The following ZNF320 variants were observed in gnomAD, a reference collection of about 807,000 sequenced individuals.
ZNF320 encodes zinc finger gene 320.
ZNF320 carries 2 observed loss-of-function variants against 6.8 expected under a neutral mutation model. That is an observed-to-expected ratio of 0.29 (90% CI 0.12 to 0.93). The LOEUF is 0.93. ZNF320 is among the 40% of genes least tolerant of loss of function. ZNF320 has a pLI of 0.55. For missense variants in ZNF320, 472 were observed against 611.0 expected (o/e 0.77, Z 2.40); for synonymous variants, 208 against 203.2 (o/e 1.02, Z -0.20).
At chr19:52,866,328 A>G (rs1368207811) in intron 5 of ZNF320, among the ~76,000 whole-genome samples, 1 of 151,338 alleles carries the variant, frequency 6.6e-6, no homozygotes, top group Non-Finnish European at 1.5e-5. Flanking sequence ...TGGGAGGCCG[A>G]GGTGGGCAGA....
At chr19:52,864,030 C>T (rs769531744) in exon 6 of ZNF320, 4 of 497,590 alleles carry the variant, frequency 8.0e-6, no homozygotes, top group Non-Finnish European at 1.6e-5. Flanking sequence ...ACATTTTCCT[C>T]ACCCACAGAC....
rs2063915953 is a variant in ZNF320 at position 52,881,428 on chromosome 19, G to A, written c.698C>T (p.Ala233Val). 1.2e-6 allele frequency: 2 copies of A among 1,613,914 alleles called. No homozygotes were observed. Among genetic ancestry groups the A allele is most frequent in the Non-Finnish European group, 1.7e-6 (2 of 1,179,972 alleles). ...TCCAGTATGACTTCTATGATGACAT[G>A]CAAGGGTTGCTTTTTGATCAAAAAC... ...GKVFDQKATL[A>V]CHHRSHTGEK... The change falls in exon 6 of 6, where the codon GCA becomes GTA. Residue 233 changes from alanine (A) to valine (V), a missense_variant. Ala to Val is a moderately conservative substitution (Grantham distance 64). Coordinates refer to ENST00000682928, the MANE Select transcript of ZNF320 (RefSeq NM_001351774.2).
Position 52,882,947 on chromosome 19 carries a change from A to G in ZNF320, c.143-964T>C, listed in dbSNP as rs2063967651. ...CAGAGTGAGACTCCGTCTCAAAAAA[A>G]AAAGAAAATGTTAATAGCATATTTT... is the stretch of plus-strand genomic sequence containing the variant. On this transcript the variant is annotated intron_variant, in intron 5 of 5. Transcript: ENST00000682928. Among the ~76,000 whole-genome samples, 3 of 152,186 alleles carry G rather than the reference A, an allele frequency of 2.0e-5. No individual in the cohort carries two copies. The South Asian group carries it at 6.2e-4, about 31-fold the overall frequency.
chr19:52,901,699 A>G (rs957757612), upstream of ZNF320, among the ~76,000 whole-genome samples: 13 of 152,174 alleles, frequency 8.5e-5, no homozygotes, highest in Admixed American at 7.9e-4. Context: ...TCTAGCGTTT[A>G]TTAGCTAATG....
At chr19:52,891,132 G>C (rs2147874171) in intron 3 of ZNF320, 97 bp downstream of exon 3, 1 of 152,202 alleles carries the variant, frequency 6.6e-6, no homozygotes, top group South Asian at 2.1e-4. Flanking sequence ...CTGGGTGACA[G>C]AGTAAGACTT....
chr19:52,874,146 G>A (rs1600589292), downstream of ZNF320: 3 of 226,904 alleles, frequency 1.3e-5, no homozygotes, highest in East Asian at 1.4e-4. Context: ...ACACACACAC[G>A]GGAGATCTCA....
downstream of ZNF320, chr19:52,873,950 A>G (rs550075832): frequency 3.7e-3 from 1,523 of 416,410 alleles, 8 homozygotes; most frequent in Non-Finnish European, 3.9e-3. Flanking sequence ...GCATTTCAGA[A>G]AGGAAAGAGA....
chr19:52,862,392 T>C, exon 6 of ZNF320: 1 of 477,972 alleles, frequency 2.1e-6, no homozygotes. Context: ...TCTTTCAAGC[T>C]GTGATTTACG....
chr19:52,864,085 G>A (rs4803014), exon 6 of ZNF320: 86,489 of 454,000 alleles, frequency 0.19, 9,792 homozygotes, highest in Middle Eastern at 0.29. Flanking sequence ...TGTATAAAGC[G>A]TTCTGTGCAG....
intron 5 of ZNF320, among the ~76,000 whole-genome samples, chr19:52,885,811 CAGG>C (rs2147841734): frequency 6.6e-6 from 1 of 152,206 alleles, no homozygotes; most frequent in African/African-American, 2.4e-5. Flanking sequence ...CAGGCTGAGG[CAGG>C]AGAATTGGTT....
At chr19:52,891,829 G>A (rs962153646) in intron 2 of ZNF320, among the ~76,000 whole-genome samples, 2 of 152,150 alleles carry the variant, frequency 1.3e-5, no homozygotes, top group African/African-American at 4.8e-5. Context: ...ACCCTGAGAA[G>A]GTCTGAGATG....
In ZNF320 at chr19:52,880,466, G is replaced by A; in HGVS notation, c.*130C>T. 5.4e-6 allele frequency: 5 copies of A among 919,940 alleles called. No homozygotes were observed. In the Middle Eastern group the frequency reaches 8.7e-4, roughly 160 times the overall value. The allele number at this position is 919,940 out of a possible 1,614,324, so 57.0% of individuals were successfully genotyped here. A position where few individuals can be genotyped will look rare whatever the true frequency, so the allele number is the denominator to read the frequency against. Reference sequence around the variant, plus strand: ...CCTACCTGTCTTGGCCTCTCAAAGTGCTGGGATTACAGGTGTGAGACACCA... The same window carrying A: ...CCTACCTGTCTTGGCCTCTCAAAGTACTGGGATTACAGGTGTGAGACACCA... On this transcript the variant is annotated 3_prime_UTR_variant, in exon 6 of 6. Transcript: ENST00000682928.
At chr19:52,869,043 GA>G (rs1376716469) in intron 5 of ZNF320, among the ~76,000 whole-genome samples, 3 of 152,128 alleles carry the variant, frequency 2.0e-5, no homozygotes, top group African/African-American at 7.2e-5. Flanking sequence ...GCCAGGAAAG[GA>G]AGGGCAAGGG....
rs772232565 is a variant in ZNF320, at chr19:52,880,700, T to G, written c.1426A>C (p.Lys476Gln). Residue 476 changes from lysine (K) to glutamine (Q), a missense_variant, in exon 6 of 6, where the codon AAG (lysine) becomes CAG (glutamine). By Grantham distance (53) the Lys-to-Gln change is moderately conservative (BLOSUM62 1). Coordinates refer to ENST00000682928, the MANE Select transcript of ZNF320 (RefSeq NM_001351774.2). ...AGGAGTGACCTCAGACTAAAGACCT[T>G]GCCACACTGATGACATTTGTAAGAT... is the stretch of plus-strand genomic sequence containing the variant. The part of the protein sequence containing the change: ...QKSYKCHQCG[K>Q]VFSLRSLLAE... 2 of 1,613,968 alleles carry G rather than the reference T, an allele frequency of 1.2e-6. No homozygotes were observed. The highest frequency in any genetic ancestry group is 2.2e-5 in the South Asian group (2 of 91,072).
chr19:52,865,703 T>TTATATATGATTATACACATATTTA lies in ZNF320; in HGVS notation c.224-1568_224-1545dup, dbSNP rs2063545073. Among the ~76,000 whole-genome samples, 9 of 128,502 alleles carry TTATATATGATTATACACATATTTA rather than the reference T, an allele frequency of 7.0e-5. No homozygotes were observed. In the South Asian group the frequency reaches 2.0e-3, roughly 29 times the overall value. 84.3% of individuals were successfully genotyped at this position (128,502 alleles called of 152,430 possible). On this transcript the variant is annotated intron_variant, in intron 5 of 5. Coordinates refer to the ZNF320 transcript ENST00000673631. Reference sequence around the variant, plus strand: ...TTATACATATATATTATACATATATTTATATATGATTATACACATATTTAT... The same window carrying TTATATATGATTATACACATATTTA: ...TTATACATATATATTATACATATATTTATATATGATTATACACATATTTATATATATGATTATACACATATTTAT...
chr19:52,898,521 A>G (rs1233103368), upstream of ZNF320, among the ~76,000 whole-genome samples: 1 of 152,238 alleles, frequency 6.6e-6, no homozygotes. Context: ...ACATTGTAAC[A>G]GTGTGTAGCA....
chr19:52,890,302 G>A lies in ZNF320; in HGVS notation c.-47C>T, dbSNP rs530486890. 1.6e-5 allele frequency: 25 copies of A among 1,595,674 alleles called. No individual in the cohort carries two copies. The East Asian group carries it at 5.1e-4, about 33-fold the overall frequency. ...CTTCCTCTTCTGGGTTTCTTCCTCA[G>A]GTACCAAGAGTCTTTAGAAGTCAAT... On this transcript the variant is annotated 5_prime_UTR_variant, in exon 4 of 6. Transcript: ENST00000682928.
At chr19:52,900,920 TTTTA>T (rs949076484), upstream of ZNF320, among the ~76,000 whole-genome samples, 1 of 113,466 alleles carries the variant, frequency 8.8e-6, no homozygotes, top group Non-Finnish European at 2.1e-5. Flanking sequence ...TTATTTTTTT[TTTTA>T]ACTGTGTAAC....
At chr19:52,898,136 C>G (rs923904285), upstream of ZNF320, among the ~76,000 whole-genome samples, 1 of 152,212 alleles carries the variant, frequency 6.6e-6, no homozygotes, top group South Asian at 2.1e-4. Context: ...AAAGCTCTGC[C>G]TCAGCGAAAC....
Sources: allele counts gnomAD v4.1 joint callset (sites outside exome capture counted in the v4.1 genomes callset), GRCh38; gene constraint gnomAD v4.1.1; transcripts MANE v1.5; gene names NCBI Gene and HGNC (gene_info 2026-07-23, HGNC 2026-07-21).